ASIC2: variants seen among roughly 807,000 people sequenced by gnomAD.
The protein encoded by ASIC2 is acid sensing ion channel subunit 2.
Under a neutral mutation model 57.3 loss-of-function variants are expected in ASIC2, and 25 were observed. The observed-to-expected ratio is 0.44, with a 90% CI of 0.32 to 0.61. The LOEUF is 0.61. Ranked by LOEUF, ASIC2 falls within the 20% of genes least tolerant of loss-of-function variation. ASIC2 has a pLI of 0.06. For missense variants in ASIC2, 641 were observed against 738.1 expected (o/e 0.87, Z 1.52); for synonymous variants, 319 against 307.5 (o/e 1.04, Z -0.39).
chr17:34,028,775 T>C (rs1048483221), intron 1 of ASIC2, among the ~76,000 whole-genome samples: 1 of 152,152 alleles, frequency 6.6e-6, no homozygotes, highest in African/African-American at 2.4e-5. Flanking sequence ...GATTTCCTGC[T>C]CCTCTCACTG....
chr17:34,099,736 AAG>A (rs1204432059), intron 1 of ASIC2, among the ~76,000 whole-genome samples: 1 of 414 alleles, frequency 2.4e-3, no homozygotes, highest in African/African-American at 4.7e-3. Context: ...GAAAGAAGGA[AAG>A]AAAGAAAGAA....
chr17:33,616,012 T>C (rs935073796), intron 1 of ASIC2, among the ~76,000 whole-genome samples: 7 of 152,214 alleles, frequency 4.6e-5, no homozygotes, highest in African/African-American at 1.4e-4. Flanking sequence ...CCATTTTAAA[T>C]CATGGCCTTT....
intron 1 of ASIC2, among the ~76,000 whole-genome samples, chr17:33,850,553 A>T (rs1446373216): frequency 6.6e-6 from 1 of 152,146 alleles, no homozygotes; most frequent in Non-Finnish European, 1.5e-5. Flanking sequence ...GAACATGAAA[A>T]CAGTTGATCT....
At chr17:33,297,956 CTTT>C (rs35388631), upstream of ASIC2, among the ~76,000 whole-genome samples, 5 of 136,790 alleles carry the variant, frequency 3.7e-5, no homozygotes, top group Non-Finnish European at 6.3e-5. Context: ...CTTTCTCTGC[CTTT>C]TTTTTTTTTT....
At chr17:33,542,627 T>C (rs1915452338) in intron 1 of ASIC2, among the ~76,000 whole-genome samples, 1 of 86,980 alleles carries the variant, frequency 1.1e-5, no homozygotes, top group African/African-American at 4.6e-5. Flanking sequence ...TTTGAGTTCA[T>C]TGTAGATTCT....
At chr17:33,889,054 AG>A (rs1463660989) in intron 1 of ASIC2, among the ~76,000 whole-genome samples, 2 of 152,132 alleles carry the variant, frequency 1.3e-5, no homozygotes, top group African/African-American at 2.4e-5. Flanking sequence ...AGGGGATGAG[AG>A]GGGAACCTAC....
At chr17:33,752,702 C>T (rs1910471651) in intron 1 of ASIC2, among the ~76,000 whole-genome samples, 1 of 152,158 alleles carries the variant, frequency 6.6e-6, no homozygotes, top group South Asian at 2.1e-4. Context: ...CAAAAAGATG[C>T]TCCACATCAA....
At chr17:33,164,615 T>A (rs917712160) in intron 1 of ASIC2, among the ~76,000 whole-genome samples, 4 of 151,008 alleles carry the variant, frequency 2.6e-5, no homozygotes, top group Non-Finnish European at 4.4e-5. Flanking sequence ...TATACACACA[T>A]GGTTATGCAC....
intron 1 of ASIC2, among the ~76,000 whole-genome samples, chr17:33,427,815 C>T (rs1911270096): frequency 6.6e-6 from 1 of 152,202 alleles, no homozygotes; most frequent in Non-Finnish European, 1.5e-5. Context: ...CCCTCCTATA[C>T]TGAATATGAC....
rs1913999729 is a variant in ASIC2 at position 33,857,716 on chromosome 17, A to C, written c.555+298262T>G. Reference sequence around the variant, plus strand: ...CAGGATTAGGTCAGTTGGTGAATCCAGGACAGAGCTGGGATTCAAACTGAC... The same window carrying C: ...CAGGATTAGGTCAGTTGGTGAATCCCGGACAGAGCTGGGATTCAAACTGAC... On this transcript the variant is annotated intron_variant, in intron 1 of 9. Transcript: ENST00000359872. Among the ~76,000 whole-genome samples the C allele has an allele frequency of 1.3e-5, 2 of 152,238 alleles. 1 individual carries two copies. The highest frequency in any genetic ancestry group is 4.1e-4 in the South Asian group (2 of 4,830).
chr17:33,872,063 T>G (rs441420), intron 1 of ASIC2, among the ~76,000 whole-genome samples: 115,036 of 151,968 alleles, frequency 0.76, 44,097 homozygotes, highest in East Asian at 0.9. Context: ...CACCATCCCA[T>G]CTCCCTTGCA....
intron 1 of ASIC2, among the ~76,000 whole-genome samples, chr17:33,369,743 A>G (rs949070581): frequency 2.0e-5 from 3 of 152,104 alleles, no homozygotes; most frequent in Non-Finnish European, 4.4e-5. Flanking sequence ...TCCAACTCAG[A>G]TTTTTCCGGT....
Position 33,692,935 on chromosome 17 carries a change from C to T in ASIC2, c.555+463043G>A, listed in dbSNP as rs1229450753. 2.0e-5 allele frequency among the ~76,000 whole-genome samples: 3 copies of T among 152,138 alleles called. No individual in the cohort carries two copies. The East Asian group carries it at 5.8e-4, about 29-fold the overall frequency. On this transcript the variant is annotated intron_variant, in intron 1 of 9. Transcript: ENST00000359872. Reference sequence around the variant, plus strand: ...ATTGTGTATGTATGTATATGTAAATCAATCGCATATTTTAAATCTTTATGT... The same window carrying T: ...ATTGTGTATGTATGTATATGTAAATTAATCGCATATTTTAAATCTTTATGT...
intron 1 of ASIC2, among the ~76,000 whole-genome samples, chr17:33,435,132 C>T (rs1437028404): frequency 1.3e-5 from 2 of 152,134 alleles, no homozygotes; most frequent in Non-Finnish European, 2.9e-5. Flanking sequence ...TTAGAAGTAT[C>T]AGTATGAATA....
chr17:33,585,334 C>T (rs2142001966), intron 1 of ASIC2, among the ~76,000 whole-genome samples: 1 of 152,288 alleles, frequency 6.6e-6, no homozygotes, highest in South Asian at 2.1e-4. Flanking sequence ...CATGCCTTCC[C>T]CAGTCTCTGA....
chr17:33,743,702 T>C (rs1021457230), intron 1 of ASIC2, among the ~76,000 whole-genome samples: 1 of 152,228 alleles, frequency 6.6e-6, no homozygotes, highest in Non-Finnish European at 1.5e-5. Flanking sequence ...ACGAGCTCTT[T>C]CCTGGGATTC....
intron 1 of ASIC2, among the ~76,000 whole-genome samples, chr17:33,646,990 T>C (rs1023240359): frequency 7.9e-5 from 12 of 152,022 alleles, no homozygotes; most frequent in Middle Eastern, 3.4e-3. Context: ...GAAGATGAGG[T>C]AGGTGGGACG....
chr17:33,707,453 T>G (rs1908896288), intron 1 of ASIC2, among the ~76,000 whole-genome samples: 1 of 152,212 alleles, frequency 6.6e-6, no homozygotes, highest in Admixed American at 6.5e-5. Flanking sequence ...CTAGATTTCT[T>G]TTCAAATACA....
intron 1 of ASIC2, among the ~76,000 whole-genome samples, chr17:34,079,718 C>T (rs1463163346): frequency 6.6e-6 from 1 of 152,152 alleles, no homozygotes; most frequent in African/African-American, 2.4e-5. Context: ...ACCCAGGGTG[C>T]AGAATTTAAG....
Sources: gnomAD v4.1 joint callset for allele counts (sites outside exome capture counted in the v4.1 genomes callset) on GRCh38, gnomAD v4.1.1 for gene constraint, MANE v1.5 for transcripts, NCBI Gene and HGNC (gene_info 2026-07-23, HGNC 2026-07-21) for gene names.